MYOM2: variants seen among roughly 807,000 people sequenced by gnomAD.
MYOM2 encodes myomesin 2, also known as myomesin-2.
In MYOM2, 254 loss-of-function variants were observed where a neutral mutation model predicts 187.6. The observed-to-expected ratio is 1.35, with a 90% CI of 1.22 to 1.50. The LOEUF is 1.50. MYOM2 is among the 40% of genes most tolerant of loss of function. The pLI is 0.00. For missense variants in MYOM2, 2,796 were observed against 1,924.0 expected (o/e 1.45, Z -8.48); for synonymous variants, 981 against 753.8 (o/e 1.30, Z -4.94).
intron 14 of MYOM2, among the ~76,000 whole-genome samples, chr8:2,087,132 C>G (rs763175521): frequency 6.6e-6 from 1 of 152,194 alleles, no homozygotes; most frequent in Non-Finnish European, 1.5e-5. Context: ...TGACGACCCC[C>G]TGTTGGGTTG....
chr8:2,106,109 C>G (rs1206610675), intron 21 of MYOM2, 133 bp from the exon 22 acceptor site: 3 of 894,602 alleles, frequency 3.4e-6, no homozygotes, highest in South Asian at 3.4e-5. Flanking sequence ...CTCACTCCCT[C>G]TACACTTGGG....
At position 2,085,279 on chromosome 8, in the gene MYOM2, A is replaced by T; in HGVS notation, c.1533A>T (p.Pro511=). The T allele has an allele frequency of 6.2e-7, 1 of 1,614,070 alleles. No homozygotes were observed. Among genetic ancestry groups the T allele is most frequent in the Non-Finnish European group, 8.5e-7 (1 of 1,179,982 alleles). The change falls in exon 14 of 37, where the codon CCA becomes CCT. Residue 511 remains proline (P), a synonymous_variant. Transcript: ENST00000262113. ...TTCCTCCAGGTGACGCCCAGGTTCC[A>T]GGGCCTCCCACCGGTGTGCACGCTT... is the stretch of plus-strand genomic sequence containing the variant. ...QDDLEGDAQV[P]GPPTGVHASE...
chr8:2,067,363 G>A (rs562391126), intron 6 of MYOM2, among the ~76,000 whole-genome samples: 1 of 152,276 alleles, frequency 6.6e-6, no homozygotes, highest in South Asian at 2.1e-4. Flanking sequence ...TTCTGCTCAG[G>A]TGTCCATGGC....
chr8:2,086,504 C>CGTGATCTCTGCGTGGCCCCACACTGTT (rs1796077928), intron 14 of MYOM2, among the ~76,000 whole-genome samples: 1 of 85,364 alleles, frequency 1.2e-5, no homozygotes, highest in Non-Finnish European at 3.0e-5. Context: ...CCCCCACTGT[C>CGTGATCTCTGCGTGGCCCCACACTGTT]GTGATCTCTG....
chr8:2,058,930 G>T (rs979324052), intron 5 of MYOM2, among the ~76,000 whole-genome samples: 5 of 152,232 alleles, frequency 3.3e-5, no homozygotes, highest in Admixed American at 6.5e-5. Context: ...TGCCGAATGG[G>T]GAATCCCCTG....
intron 28 of MYOM2, among the ~76,000 whole-genome samples, chr8:2,119,850 A>C (rs1471701428): frequency 6.6e-6 from 1 of 152,014 alleles, no homozygotes; most frequent in Non-Finnish European, 1.5e-5. Flanking sequence ...CTTGGCCCCC[A>C]GGGCAGCTCC....
chr8:2,133,085 G>C (rs555510580), intron 32 of MYOM2, among the ~76,000 whole-genome samples: 2 of 152,268 alleles, frequency 1.3e-5, no homozygotes, highest in South Asian at 4.1e-4. Context: ...GGTATGTGCA[G>C]TCCCCTCTCA....
In MYOM2 at chr8:2,072,453, T is replaced by G; in HGVS notation, c.902T>G (p.Met301Arg). Reference sequence around the variant, plus strand: ...GAGACGGTCACTCTCAAGTGCACCATGCTGGTGACGCCGGACCTGAAGCGG... The same window carrying G: ...GAGACGGTCACTCTCAAGTGCACCAGGCTGGTGACGCCGGACCTGAAGCGG... ...EGETVTLKCT[M>R]LVTPDLKRVQ... is the part of the protein sequence containing the mutation. Residue 301 changes from methionine to arginine, a missense_variant, in exon 9 of 37, where the codon ATG becomes AGG. Met to Arg is a moderately conservative substitution (Grantham distance 91, BLOSUM62 -1). Transcript: ENST00000262113. The G allele has an allele frequency of 6.2e-7, 1 of 1,614,082 alleles. No individual in the cohort carries two copies. The highest frequency in any genetic ancestry group is 8.5e-7 in the Non-Finnish European group (1 of 1,180,026).
rs112062625 is a variant in MYOM2 at position 2,098,615 on chromosome 8, A to G, written c.2314-242A>G. 2.8e-3 allele frequency among the ~76,000 whole-genome samples: 430 copies of G among 152,164 alleles called. 8 individuals carry two copies. Among genetic ancestry groups the G allele is most frequent in the African/African-American group, 9.3e-3 (388 of 41,510 alleles). ...CCCTACCCCCGCAGGAGTGGGATTG[A>G]GTGAAGGACTCAATCACTTTGGGAA... On this transcript the variant is annotated intron_variant, in intron 18 of 36. Coordinates refer to ENST00000262113, the MANE Select transcript of MYOM2 (RefSeq NM_003970.4).
chr8:2,136,962 C>T (rs1343841248), intron 32 of MYOM2, among the ~76,000 whole-genome samples: 4 of 152,032 alleles, frequency 2.6e-5, no homozygotes, highest in African/African-American at 9.7e-5. Context: ...GTGGCTGATA[C>T]GGTGGAAACT....
At chr8:2,099,335 A>C (rs1585903798) in intron 19 of MYOM2, among the ~76,000 whole-genome samples, 2 of 152,176 alleles carry the variant, frequency 1.3e-5, no homozygotes, top group African/African-American at 4.8e-5. Flanking sequence ...ACCCCAAAGG[A>C]GCAGGCAGAG....
intron 25 of MYOM2, among the ~76,000 whole-genome samples, chr8:2,112,293 G>T (rs1797093015): frequency 6.6e-6 from 1 of 150,530 alleles, no homozygotes; most frequent in African/African-American, 2.4e-5. Context: ...AACACTCTCA[G>T]AATTCAGAGA....
At chr8:2,067,606 C>G (rs1049354390) in intron 6 of MYOM2, among the ~76,000 whole-genome samples, 1 of 152,130 alleles carries the variant, frequency 6.6e-6, no homozygotes, top group African/African-American at 2.4e-5. Context: ...CCTCTTGTCT[C>G]CATTTCCTGG....
In MYOM2 at chr8:2,086,495, C is replaced by CCCCACTGTCGTGATCTCTGCGTGGCTT. The variant is rs1356482186; in HGVS notation, c.1644+1130_1644+1131insTTCCCACTGTCGTGATCTCTGCGTGGC. On this transcript the variant is annotated intron_variant, in intron 14 of 36. Transcript: ENST00000262113. Reference sequence around the variant, plus strand: ...ACACTGTCATGATCTCTGTGTGGCCCCCCACTGTCGTGATCTCTGCGTGGC... The same window carrying CCCCACTGTCGTGATCTCTGCGTGGCTT: ...ACACTGTCATGATCTCTGTGTGGCCCCCCACTGTCGTGATCTCTGCGTGGCTTCCCACTGTCGTGATCTCTGCGTGGC... Among the ~76,000 whole-genome samples the CCCCACTGTCGTGATCTCTGCGTGGCTT allele has an allele frequency of 1.0e-3, 80 of 77,198 alleles. 2 individuals are homozygous for CCCCACTGTCGTGATCTCTGCGTGGCTT. Among genetic ancestry groups the CCCCACTGTCGTGATCTCTGCGTGGCTT allele is most frequent in the Non-Finnish European group, 2.1e-3 (64 of 30,392 alleles). 50.6% of individuals were successfully genotyped at this position (77,198 alleles called of 152,430 possible).
At chr8:2,101,293 C>T (rs1188996472) in intron 20 of MYOM2, among the ~76,000 whole-genome samples, 6 of 152,306 alleles carry the variant, frequency 3.9e-5, no homozygotes, top group Middle Eastern at 3.4e-3. Flanking sequence ...GCGGAGGTTG[C>T]GGTGAGCTGA....
chr8:2,141,037 A>T (rs1382148002), intron 33 of MYOM2, 104 bp from the exon 34 acceptor site: 5 of 1,334,266 alleles, frequency 3.7e-6, no homozygotes, highest in Non-Finnish European at 5.1e-6. Context: ...TTCTTTTTTT[A>T]TATATCAGTT....
At chr8:2,092,804 T>G (rs1312619417) in intron 16 of MYOM2, among the ~76,000 whole-genome samples, 1 of 152,228 alleles carries the variant, frequency 6.6e-6, no homozygotes, top group Non-Finnish European at 1.5e-5. Flanking sequence ...GGCCTTTTCT[T>G]TGAATAGCAG....
chr8:2,076,469 C>G (rs1819426436), intron 11 of MYOM2, 187 bp downstream of exon 11: 1 of 712,666 alleles, frequency 1.4e-6, no homozygotes, highest in Non-Finnish European at 2.2e-6. Context: ...GTAGGCTGAG[C>G]CCAGCATAAC....
intron 23 of MYOM2, 40 bp downstream of exon 23, chr8:2,106,637 A>T: frequency 7.0e-7 from 1 of 1,431,440 alleles, no homozygotes; most frequent in Non-Finnish European, 9.6e-7. Context: ...TTTTGGTTTT[A>T]TCACACTTTC....
Sources: gnomAD v4.1 joint callset for allele counts (sites outside exome capture counted in the v4.1 genomes callset) on GRCh38, gnomAD v4.1.1 for gene constraint, MANE v1.5 for transcripts, NCBI Gene and HGNC (gene_info 2026-07-23, HGNC 2026-07-21) for gene names.